The following DNAH6 variants were observed in gnomAD, a reference collection of about 807,000 sequenced individuals.
DNAH6 encodes dynein axonemal heavy chain 6, also known as axonemal beta dynein heavy chain 6.
In DNAH6, 340 loss-of-function variants were observed where a neutral mutation model predicts 491.4. The ratio of observed to expected loss-of-function variants is 0.69; its 90% confidence interval spans 0.63 to 0.76. DNAH6 has a LOEUF of 0.76. Among genes scored for constraint, DNAH6 ranks in the 30% least tolerant of loss-of-function variants. DNAH6 has a pLI of 0.00. For missense variants in DNAH6, 4,443 were observed against 4,972.2 expected (o/e 0.89, Z 3.20); for synonymous variants, 1,603 against 1,686.1 (o/e 0.95, Z 1.21).
chr2:84,569,297 C>A (rs1681539489), intron 11 of DNAH6, among the ~76,000 whole-genome samples: 1 of 151,344 alleles, frequency 6.6e-6, no homozygotes, highest in Non-Finnish European at 1.5e-5. Context: ...CTATAGTATA[C>A]TATAGATATT....
intron 70 of DNAH6, among the ~76,000 whole-genome samples, chr2:84,800,249 C>CA (rs1344843392): frequency 1.3e-5 from 2 of 152,028 alleles, no homozygotes; most frequent in Non-Finnish European, 2.9e-5. Context: ...AATAAAATGT[C>CA]AAAAAACTCC....
At chr2:84,809,553 A>T (rs563105804) in intron 72 of DNAH6, among the ~76,000 whole-genome samples, 1 of 152,242 alleles carries the variant, frequency 6.6e-6, no homozygotes, top group Non-Finnish European at 1.5e-5. Flanking sequence ...GTCAGGGCTT[A>T]TTTCCTTCTA....
intron 63 of DNAH6, among the ~76,000 whole-genome samples, chr2:84,749,134 T>C (rs1352426418): frequency 6.6e-6 from 1 of 152,162 alleles, no homozygotes; most frequent in Admixed American, 6.5e-5. Flanking sequence ...CCTCCAGTAT[T>C]GGGAATCATA....
chr2:84,685,496 C>G (rs1456086429), intron 43 of DNAH6, 24 bp downstream of exon 43: 45 of 1,356,420 alleles, frequency 3.3e-5, no homozygotes, highest in Non-Finnish European at 3.8e-5. Context: ...TTTACCTATT[C>G]TTTTTTTTAT....
intron 9 of DNAH6, among the ~76,000 whole-genome samples, chr2:84,551,479 T>C (rs561765340): frequency 4.6e-5 from 7 of 152,348 alleles, no homozygotes; most frequent in Admixed American, 4.6e-4. Context: ...ATATTTCCAA[T>C]GTCAATGTAT....
chr2:84,671,541 C>T (rs1692737589), intron 39 of DNAH6, among the ~76,000 whole-genome samples: 2 of 152,164 alleles, frequency 1.3e-5, no homozygotes, highest in African/African-American at 4.8e-5. Flanking sequence ...TGTCTCTGTC[C>T]CCTCTCTCCT....
chr2:84,667,926 C>T (rs1468907486), intron 37 of DNAH6, among the ~76,000 whole-genome samples: 1 of 152,176 alleles, frequency 6.6e-6, no homozygotes, highest in Non-Finnish European at 1.5e-5. Context: ...GGGATGAGTT[C>T]ATGTCCTTTG....
At chr2:84,617,310 G>A (rs929415150) in intron 23 of DNAH6, among the ~76,000 whole-genome samples, 1 of 151,870 alleles carries the variant, frequency 6.6e-6, no homozygotes, top group African/African-American at 2.4e-5. Context: ...CATGTAAAAT[G>A]GGGTATCCAT....
Position 84,686,206 on chromosome 2 carries a change from G to A in DNAH6, c.7064-278G>A, listed in dbSNP as rs183558029. Among the ~76,000 whole-genome samples, 25 of 149,456 alleles carry A rather than the reference G, an allele frequency of 1.7e-4. No individual in the cohort carries two copies. In the East Asian group the frequency reaches 4.9e-3, roughly 29 times the overall value. On this transcript the variant is annotated intron_variant, in intron 43 of 76. Coordinates refer to ENST00000389394, the MANE Select transcript of DNAH6 (RefSeq NM_001370.2). ...CCGTCTCAAAAAAAAAAAAAAGCCAGGATAATTTTAAAGTACTTCTTATTT... is the reference window on the plus strand; with the variant it reads ...CCGTCTCAAAAAAAAAAAAAAGCCAAGATAATTTTAAAGTACTTCTTATTT...
chr2:84,478,708 G>A, the DNAH6 span, among the ~76,000 whole-genome samples: 4 of 152,196 alleles, frequency 2.6e-5, no homozygotes, highest in Admixed American at 6.5e-5. Context: ...AGACTGGGCA[G>A]TGGGAGAGGT....
rs138774616 is a variant in DNAH6 at position 84,590,928 on chromosome 2, G to T, written c.2610+1974G>T. Among the ~76,000 whole-genome samples the T allele has an allele frequency of 3.7e-3, 565 of 152,232 alleles. 5 individuals are homozygous for T. Among genetic ancestry groups the T allele is most frequent in the Non-Finnish European group, 4.2e-3 (288 of 68,014 alleles). On this transcript the variant is annotated intron_variant, in intron 16 of 76. Coordinates refer to ENST00000389394, the MANE Select transcript of DNAH6 (RefSeq NM_001370.2). ...CTGAATTTGATTATGGACAGGAAAGGTCCCCAGGTTGGAACCGCTGAGAAC... is the reference window on the plus strand; with the variant it reads ...CTGAATTTGATTATGGACAGGAAAGTTCCCCAGGTTGGAACCGCTGAGAAC...
chr2:84,652,902 T>C (rs997454865), intron 33 of DNAH6, among the ~76,000 whole-genome samples: 55 of 151,968 alleles, frequency 3.6e-4, no homozygotes, highest in Non-Finnish European at 7.4e-5. Context: ...TTAGGAAAAG[T>C]TGAGCTATAA....
At chr2:84,625,608 G>A (rs988490166) in intron 29 of DNAH6, among the ~76,000 whole-genome samples, 2 of 151,400 alleles carry the variant, frequency 1.3e-5, no homozygotes, top group Non-Finnish European at 2.9e-5. Context: ...AGTAAAATAT[G>A]TTTTATATAT....
rs1689285547 is a variant in DNAH6, at chr2:84,640,494, A to G, written c.4886A>G (p.Tyr1629Cys). 4.5e-6 allele frequency: 7 copies of G among 1,550,736 alleles called. No homozygotes were observed. Among genetic ancestry groups the G allele is most frequent in the Non-Finnish European group, 3.5e-6 (4 of 1,146,170 alleles). The change falls in exon 32 of 77, where the codon TAT (tyrosine) becomes TGT (cysteine). Residue 1629 changes from tyrosine to cysteine, a missense_variant. Physicochemically the swap from Tyr to Cys is radical, Grantham distance 194 (BLOSUM62 -2). This residue lies in a region of DNAH6 where 2,977 missense variants were observed against 3,296.6 expected (regional missense o/e 0.90). Coordinates refer to ENST00000389394, the MANE Select transcript of DNAH6 (RefSeq NM_001370.2). ...TTAGCAAGAAAAATGACTCAGATGT[A>G]TAAGCTTTGCAGTGAGCAGCTGTCT... ...KILARKMTQMYKLCSEQLSQQ... is the reference protein window; with the variant it reads ...KILARKMTQMCKLCSEQLSQQ...
intron 68 of DNAH6, 88 bp downstream of exon 68, chr2:84,787,390 C>T: frequency 9.8e-7 from 1 of 1,018,380 alleles, no homozygotes; most frequent in East Asian, 2.8e-5. Flanking sequence ...AGATGGTGTC[C>T]TCCCCCAGTG....
intron 41 of DNAH6, among the ~76,000 whole-genome samples, chr2:84,681,059 G>A (rs1227428196): frequency 1.3e-5 from 2 of 152,114 alleles, no homozygotes; most frequent in African/African-American, 2.4e-5. Flanking sequence ...TGTGCCCTTC[G>A]TGATGACCCC....
intron 3 of DNAH6, 123 bp downstream of exon 3, chr2:84,525,861 T>C (rs1286627887): frequency 2.8e-6 from 2 of 725,898 alleles, no homozygotes; most frequent in African/African-American, 3.6e-5. Flanking sequence ...GCATAATGAG[T>C]TTGGGAAATA....
chr2:84,578,266 G>GT (rs532922333), intron 13 of DNAH6, among the ~76,000 whole-genome samples: 62 of 151,766 alleles, frequency 4.1e-4, no homozygotes, highest in Middle Eastern at 3.4e-3. Context: ...TCTTCATCTG[G>GT]TAAAAAAAAG....
chr2:84,684,484 T>G (rs1694091716), intron 42 of DNAH6, among the ~76,000 whole-genome samples: 1 of 152,188 alleles, frequency 6.6e-6, no homozygotes, highest in Non-Finnish European at 1.5e-5. Flanking sequence ...TCTACAAATA[T>G]TAACTGAAAA....
Sources: gnomAD v4.1 joint callset for allele counts (sites outside exome capture counted in the v4.1 genomes callset) on GRCh38, gnomAD v4.1.1 for gene constraint, gnomAD v4.1.1 regional missense constraint, MANE v1.5 for transcripts, NCBI Gene and HGNC (gene_info 2026-07-23, HGNC 2026-07-21) for gene names.